The following ZFHX3 variants were observed in gnomAD, a reference collection of about 807,000 sequenced individuals.
ZFHX3 encodes the protein zinc finger homeobox protein 3.
Under a neutral mutation model 279.1 loss-of-function variants are expected in ZFHX3, and 42 were observed. The ratio of observed to expected loss-of-function variants is 0.15; its 90% CI spans 0.12 to 0.19. ZFHX3 has a LOEUF of 0.19. Among genes scored for constraint, ZFHX3 ranks in the 10% least tolerant of loss-of-function variants. ZFHX3 has a pLI of 1.00. For missense variants in ZFHX3, 4,981 were observed against 4,754.0 expected (o/e 1.05, Z -1.40); for synonymous variants, 2,293 against 1,957.8 (o/e 1.17, Z -4.52).
At chr16:73,635,977 C>T (rs192437900) in intron 2 of ZFHX3, among the ~76,000 whole-genome samples, 1 of 152,302 alleles carries the variant, frequency 6.6e-6, no homozygotes, top group African/African-American at 2.4e-5. Flanking sequence ...TAGGGTTAGT[C>T]ATTTCCTCTT....
intron 3 of ZFHX3, among the ~76,000 whole-genome samples, chr16:73,343,536 G>T (rs1031602081): frequency 6.6e-6 from 1 of 152,136 alleles, no homozygotes; most frequent in Non-Finnish European, 1.5e-5. Flanking sequence ...ACCAGTCTGG[G>T]CAACATGGCA....
intron 2 of ZFHX3, among the ~76,000 whole-genome samples, chr16:73,583,601 G>C (rs2051884449): frequency 2.0e-5 from 3 of 152,104 alleles, no homozygotes; most frequent in Admixed American, 2.0e-4. Context: ...CCTGGGATTT[G>C]GGTAGAAAAT....
intron 5 of ZFHX3, among the ~76,000 whole-genome samples, chr16:73,187,137 G>A (rs948614325): frequency 1.9e-5 from 2 of 106,866 alleles, no homozygotes; most frequent in African/African-American, 7.2e-5. Flanking sequence ...TGGACAAGTT[G>A]TATGTCTCAC....
intron 5 of ZFHX3, among the ~76,000 whole-genome samples, chr16:73,179,910 G>A (rs912872909): frequency 1.3e-5 from 2 of 152,090 alleles, no homozygotes; most frequent in South Asian, 2.1e-4. Flanking sequence ...TGTCAGAGGC[G>A]GTCCAATTAC....
chr16:73,322,474 G>A (rs1036648845), intron 3 of ZFHX3, among the ~76,000 whole-genome samples: 1 of 152,218 alleles, frequency 6.6e-6, no homozygotes, highest in Non-Finnish European at 1.5e-5. Context: ...GACACCTAGA[G>A]AAGAATGTTT....
intron 3 of ZFHX3, among the ~76,000 whole-genome samples, chr16:73,336,448 T>C (rs1001910210): frequency 1.4e-5 from 2 of 145,586 alleles, no homozygotes; most frequent in Non-Finnish European, 3.0e-5. Context: ...CATTGTGTAT[T>C]CAATGTTTGG....
chr16:73,727,644 C>T (rs1437409461), intron 1 of ZFHX3, among the ~76,000 whole-genome samples: 1 of 152,162 alleles, frequency 6.6e-6, no homozygotes. Flanking sequence ...TGATCCCATC[C>T]CATCCCATTT....
At chr16:73,168,391 A>G (rs1967443671) in intron 5 of ZFHX3, among the ~76,000 whole-genome samples, 1 of 152,046 alleles carries the variant, frequency 6.6e-6, no homozygotes, top group Non-Finnish European at 1.5e-5. Flanking sequence ...CATCCAGAGT[A>G]GCTAGGACTA....
chr16:73,265,078 C>CGTGTGGGTGT (rs2013936554), intron 4 of ZFHX3, among the ~76,000 whole-genome samples: 1 of 145,928 alleles, frequency 6.9e-6, no homozygotes, highest in Non-Finnish European at 1.5e-5. Context: ...CGCATATATG[C>CGTGTGGGTGT]GTGTGTGTGT....
chr16:72,787,726 C>CGCCGCCGCCGCCGCCACCGCCGT lies in ZFHX3; in HGVS notation c.10549_10550insACGGCGGTGGCGGCGGCGGCGGC (p.Gly3517AspfsTer36). On this transcript the variant is annotated frameshift_variant, in exon 10 of 10. Coordinates refer to ENST00000268489, the MANE Select transcript of ZFHX3 (RefSeq NM_006885.4). LOFTEE classifies it high-confidence loss of function. ...GCCGCCGCCGCCGCCGCCACCGCCG[C>CGCCGCCGCCGCCGCCACCGCCGT]CGCCGCCGCCACTGCCACCGCCGCC... 1 of 1,398,330 alleles carries CGCCGCCGCCGCCGCCACCGCCGT rather than the reference C, an allele frequency of 7.2e-7. No individual in the cohort carries two copies. The highest frequency in any genetic ancestry group is 9.3e-7 in the Non-Finnish European group (1 of 1,070,756). The allele number at this position is 1,398,330 out of a possible 1,614,324, so 86.6% of individuals were successfully genotyped here. A position where few individuals can be genotyped will look rare whatever the true frequency, so the allele number is the denominator to read the frequency against.
intron 7 of ZFHX3, among the ~76,000 whole-genome samples, chr16:72,808,279 A>G (rs970527777): frequency 6.6e-6 from 1 of 152,188 alleles, no homozygotes; most frequent in African/African-American, 2.4e-5. Context: ...CCAGTCCTCA[A>G]ATACGATCTC....
intron 5 of ZFHX3, among the ~76,000 whole-genome samples, chr16:73,205,461 G>T (rs2011763093): frequency 6.6e-6 from 1 of 152,164 alleles, no homozygotes; most frequent in Non-Finnish European, 1.5e-5. Context: ...TAAATTATCT[G>T]CAAGATTGAT....
At chr16:73,043,406 G>C (rs909546423) in intron 1 of ZFHX3, among the ~76,000 whole-genome samples, 4 of 152,182 alleles carry the variant, frequency 2.6e-5, no homozygotes, top group African/African-American at 9.7e-5. Context: ...TCAAAATGGG[G>C]CTGAATTTGC....
At chr16:73,253,455 CTT>C (rs377414876) in intron 5 of ZFHX3, among the ~76,000 whole-genome samples, 2 of 129,838 alleles carry the variant, frequency 1.5e-5, no homozygotes, top group Non-Finnish European at 3.2e-5. Flanking sequence ...CTTTCTTTCT[CTT>C]TTTTTTTTTT....
At chr16:73,719,361 G>C (rs1401048009) in intron 1 of ZFHX3, among the ~76,000 whole-genome samples, 1 of 152,208 alleles carries the variant, frequency 6.6e-6, no homozygotes, top group African/African-American at 2.4e-5. Context: ...GGTGGCACCT[G>C]CGTGGTCACC....
At chr16:73,252,716 T>A (rs1216063609) in intron 5 of ZFHX3, among the ~76,000 whole-genome samples, 3 of 151,504 alleles carry the variant, frequency 2.0e-5, no homozygotes, top group Admixed American at 6.6e-5. Context: ...GGACTGACGA[T>A]GAAGAAAGAA....
chr16:73,362,511 A>T (rs934941464), intron 3 of ZFHX3, among the ~76,000 whole-genome samples: 1 of 152,230 alleles, frequency 6.6e-6, no homozygotes, highest in African/African-American at 2.4e-5. Flanking sequence ...GCCTCACCAG[A>T]CACACACCAC....
At chr16:73,338,771 T>G (rs1451698534) in intron 3 of ZFHX3, among the ~76,000 whole-genome samples, 1 of 152,184 alleles carries the variant, frequency 6.6e-6, no homozygotes, top group Non-Finnish European at 1.5e-5. Context: ...CATGCTGAAA[T>G]GTAATCCCCA....
intron 3 of ZFHX3, among the ~76,000 whole-genome samples, chr16:73,421,718 T>C (rs889684220): frequency 2.6e-5 from 4 of 152,170 alleles, no homozygotes; most frequent in African/African-American, 9.7e-5. Context: ...TGGCAGAACC[T>C]AGGTTTGTTG....
Sources: allele counts gnomAD v4.1 joint callset (sites outside exome capture counted in the v4.1 genomes callset), GRCh38; gene constraint gnomAD v4.1.1; transcripts MANE v1.5; gene names NCBI Gene and HGNC (gene_info 2026-07-23, HGNC 2026-07-21).